The following PCDHGA5 variants were observed in gnomAD, a reference collection of about 807,000 sequenced individuals.
PCDHGA5 encodes protocadherin gamma subfamily A, 5.
A neutral mutation model predicts 56.7 loss-of-function variants in PCDHGA5; 36 were observed. That is an observed-to-expected ratio of 0.64 (90% confidence interval 0.49 to 0.84). The LOEUF (loss-of-function observed/expected upper bound fraction) is 0.84, where lower values mean the gene tolerates loss of function less well. Ranked by LOEUF, PCDHGA5 falls within the 40% of genes least tolerant of loss-of-function variation. The pLI is 0.00. For synonymous variants in PCDHGA5, 563 were observed against 520.2 expected (o/e 1.08, Z -1.12); for missense variants, 1,305 against 1,201.5 (o/e 1.09, Z -1.27).
rs192747939 is a variant in PCDHGA5 at position 141,487,483 on chromosome 5, T to A, written c.2422-7324T>A. ...TTGTTGATGTGGGAGGCCACTCTCA[T>A]GGCTGTACACCCTTGGCTTCTGCAC... On this transcript the variant is annotated intron_variant, in intron 1 of 3. Transcript: ENST00000518069. This position sits in a 1 kb window ranked among gnomAD's most constrained non-coding sequence, Gnocchi z 5.0. 1 of 1,614,224 alleles carries A rather than the reference T, an allele frequency of 6.2e-7. No individual in the cohort carries two copies. The highest frequency in any genetic ancestry group is 1.1e-5 in the South Asian group (1 of 91,084).
chr5:141,369,075 T>C (rs1766014399), intron 1 of PCDHGA5, among the ~76,000 whole-genome samples: 1 of 152,154 alleles, frequency 6.6e-6, no homozygotes, highest in African/African-American at 2.4e-5. Context: ...ATAATTTCTT[T>C]AGGAAGATTT....
chr5:141,372,334 G>A (rs757971401), intron 1 of PCDHGA5: 3 of 1,613,766 alleles, frequency 1.9e-6, no homozygotes, highest in Admixed American at 1.7e-5. Context: ...GTCACTGTGC[G>A]TGATGGAGGA....
chr5:141,449,854 T>C (rs769118919), intron 1 of PCDHGA5, among the ~76,000 whole-genome samples: 7 of 151,974 alleles, frequency 4.6e-5, no homozygotes, highest in South Asian at 4.1e-4. Context: ...ATTTTAATAA[T>C]AAAAATCAGA....
At position 141,487,063 on chromosome 5, in the gene PCDHGA5, G is replaced by A. The variant is rs754361361; in HGVS notation, c.2422-7744G>A. 39 of 1,614,086 alleles carry A rather than the reference G, an allele frequency of 2.4e-5. No individual in the cohort carries two copies. In the South Asian group the frequency reaches 3.7e-4, roughly 15 times the overall value. The stretch of plus-strand genomic sequence containing the variant: ...CTCGATATGCTGGGGAGGTGCGGAC[G>A]GCTGTTCCTATCCCAGCTGACCTCC... On this transcript the variant is annotated intron_variant, in intron 1 of 3. Transcript: ENST00000518069. The surrounding 1 kb of genome is among the most constrained non-coding windows in gnomAD (Gnocchi z 5.0).
chr5:141,427,129 T>A lies in PCDHGA5; in HGVS notation c.2421+60378T>A, dbSNP rs752552669. ...GAGATCACCTACTCTTTCAAATCCC[T>A]ACGAGATGATATTGGAAATATGTTT... On this transcript the variant is annotated intron_variant, in intron 1 of 3. Coordinates refer to ENST00000518069, the MANE Select transcript of PCDHGA5 (RefSeq NM_018918.3). 125 of 457,106 alleles carry A rather than the reference T, an allele frequency of 2.7e-4. 2 individuals are homozygous for A. Among genetic ancestry groups the A allele is most frequent in the Non-Finnish European group, 4.0e-5 (9 of 227,024 alleles). The allele number at this position is 457,106 out of a possible 1,614,324, so 28.3% of individuals were successfully genotyped here.
At chr5:141,414,356 T>C in intron 1 of PCDHGA5, 1 of 1,613,950 alleles carries the variant, frequency 6.2e-7, no homozygotes, top group Non-Finnish European at 8.5e-7. Flanking sequence ...TTGGCGTATC[T>C]ACCATTTAAA....
chr5:141,409,462 C>T (rs377705841), intron 1 of PCDHGA5: 3 of 1,613,988 alleles, frequency 1.9e-6, no homozygotes, highest in Non-Finnish European at 2.5e-6. Flanking sequence ...AATACAATGT[C>T]ACCATCGTAG....
At chr5:141,418,603 G>C in intron 1 of PCDHGA5, 1 of 1,614,020 alleles carries the variant, frequency 6.2e-7, no homozygotes, top group Non-Finnish European at 8.5e-7. Context: ...ACGTGTACAG[G>C]GTTAGCCTTC....
Position 141,489,805 on chromosome 5 carries a change from A to T in PCDHGA5, c.2422-5002A>T. On this transcript the variant is annotated intron_variant, in intron 1 of 3. Transcript: ENST00000518069. The surrounding 1 kb of genome is among the most constrained non-coding windows in gnomAD (Gnocchi z 4.5). ...GAATGTGAAGACCCTAAAAGATGGG[A>T]AGCCATTCCCAGAGCTGGTGCTAGA... 1 of 1,614,166 alleles carries T rather than the reference A, an allele frequency of 6.2e-7. No individual in the cohort carries two copies. Among genetic ancestry groups the T allele is most frequent in the Non-Finnish European group, 8.5e-7 (1 of 1,180,012 alleles).
intron 1 of PCDHGA5, among the ~76,000 whole-genome samples, chr5:141,452,745 G>A (rs1246578948): frequency 6.6e-6 from 1 of 152,054 alleles, no homozygotes; most frequent in African/African-American, 2.4e-5. Flanking sequence ...AGAGAGAGAA[G>A]GAAGAAGGAA....
At chr5:141,423,240 A>G (rs1260661059) in intron 1 of PCDHGA5, 1 of 1,613,932 alleles carries the variant, frequency 6.2e-7, no homozygotes, top group Middle Eastern at 1.6e-4. Context: ...GCATCCCCGA[A>G]GTCCTGGCGG....
At chr5:141,385,023 C>T in intron 1 of PCDHGA5, 1 of 1,614,170 alleles carries the variant, frequency 6.2e-7, no homozygotes, top group East Asian at 2.2e-5. Flanking sequence ...TAGCCTTCGT[C>T]CTCGTACTGC....
At chr5:141,392,641 C>CGAA in intron 1 of PCDHGA5, 1 of 655,502 alleles carries the variant, frequency 1.5e-6, no homozygotes, top group Non-Finnish European at 2.5e-6. Flanking sequence ...TCACACCTCA[C>CGAA]GAAGACCCGC....
intron 1 of PCDHGA5, chr5:141,407,897 A>T (rs1178644193): frequency 4.9e-6 from 2 of 405,126 alleles, no homozygotes; most frequent in African/African-American, 4.1e-5. Context: ...CCGAATTCAA[A>T]ATGAAAAACC....
In PCDHGA5 at chr5:141,489,449, A is replaced by G; in HGVS notation, c.2422-5358A>G. The G allele has an allele frequency of 6.2e-7, 1 of 1,614,056 alleles. No homozygotes were observed. Among genetic ancestry groups the G allele is most frequent in the Non-Finnish European group, 8.5e-7 (1 of 1,180,016 alleles). On this transcript the variant is annotated intron_variant, in intron 1 of 3. Coordinates refer to ENST00000518069, the MANE Select transcript of PCDHGA5 (RefSeq NM_018918.3). This position sits in a 1 kb window ranked among gnomAD's most constrained non-coding sequence, Gnocchi z 4.5. ...CGGCGGCTGCAATTGGGCTCTGAGG[A>G]GAATGGGCGCTATTTTTCCCTGAGC...
chr5:141,389,975 C>A (rs1318416407), intron 1 of PCDHGA5: 1 of 1,614,060 alleles, frequency 6.2e-7, no homozygotes, highest in Non-Finnish European at 8.5e-7. Flanking sequence ...TGGCCTTGAT[C>A]TCAGTGCTCT....
chr5:141,441,179 C>G (rs150511376), intron 1 of PCDHGA5: 13 of 152,210 alleles, frequency 8.5e-5, no homozygotes, highest in South Asian at 2.1e-4. Context: ...ACTTCTAATT[C>G]CACAATGATT....
rs1387677265 is a variant in PCDHGA5 at position 141,486,434 on chromosome 5, T to C, written c.2422-8373T>C. 3 of 1,614,150 alleles carry C rather than the reference T, an allele frequency of 1.9e-6. No homozygotes were observed. The highest frequency in any genetic ancestry group is 2.5e-6 in the Non-Finnish European group (3 of 1,179,986). The stretch of plus-strand genomic sequence containing the variant: ...CTTGGATCGAGAGGCCAAATCTAGC[T>C]ATGACATCATGGTCACTGCTTCTGA... On this transcript the variant is annotated intron_variant, in intron 1 of 3. Coordinates refer to ENST00000518069, the MANE Select transcript of PCDHGA5 (RefSeq NM_018918.3). This position sits in a 1 kb window ranked among gnomAD's most constrained non-coding sequence, Gnocchi z 5.0.
In PCDHGA5 at chr5:141,365,229, A is replaced by G. The variant is rs1356332881; in HGVS notation, c.899A>G (p.Glu300Gly). Residue 300 changes from glutamate to glycine, a missense_variant, in exon 1 of 4, where the codon GAA (glutamate) becomes GGA (glycine). Transcript: ENST00000518069. ...ETFQLDSNLGEISTLQSLDYE... is the reference protein window; with the variant it reads ...ETFQLDSNLGGISTLQSLDYE... ...TTCCAACTTGATTCCAACCTGGGGG[A>G]AATCTCAACTCTACAATCACTGGAC... is the stretch of plus-strand genomic sequence containing the variant. 1.2e-6 allele frequency: 2 copies of G among 1,613,824 alleles called. No homozygotes were observed. The highest frequency in any genetic ancestry group is 1.7e-6 in the Non-Finnish European group (2 of 1,179,900).
Sources: allele counts gnomAD v4.1 joint callset (sites outside exome capture counted in the v4.1 genomes callset), GRCh38; gene constraint gnomAD v4.1.1; non-coding constraint Gnocchi (gnomAD v3.1); transcripts MANE v1.5; gene names NCBI Gene and HGNC (gene_info 2026-07-23, HGNC 2026-07-21).